RPS6KA2: variants seen among roughly 807,000 people sequenced by gnomAD.
RPS6KA2 encodes ribosomal protein S6 kinase alpha-2.
A neutral mutation model predicts 91.8 loss-of-function variants in RPS6KA2; 42 were observed. That is an observed-to-expected ratio of 0.46 (90% CI 0.36 to 0.59). The LOEUF (loss-of-function observed/expected upper bound fraction) is 0.59. Ranked by LOEUF, RPS6KA2 falls within the 20% of genes least tolerant of loss-of-function variation. The probability of loss-of-function intolerance (pLI) is 0.00; values close to 1 mark genes in which losing one functional copy is unlikely to be tolerated. For missense variants in RPS6KA2, 798 were observed against 978.5 expected (o/e 0.82, Z 2.46); for synonymous variants, 414 against 393.6 (o/e 1.05, Z -0.61).
chr6:166,526,947 A>G (rs1783068553), intron 3 of RPS6KA2, among the ~76,000 whole-genome samples: 1 of 152,244 alleles, frequency 6.6e-6, no homozygotes, highest in Non-Finnish European at 1.5e-5. Flanking sequence ...ATTATTCTGT[A>G]CACAGAGTTT....
At chr6:166,637,854 G>T (rs1203671448) in intron 2 of RPS6KA2, among the ~76,000 whole-genome samples, 1 of 152,260 alleles carries the variant, frequency 6.6e-6, no homozygotes, top group Non-Finnish European at 1.5e-5. Context: ...GGCCGCAGGG[G>T]ACAGAGCCCA....
At chr6:166,417,122 C>T (rs1463155984) in intron 19 of RPS6KA2, among the ~76,000 whole-genome samples, 1 of 152,140 alleles carries the variant, frequency 6.6e-6, no homozygotes, top group African/African-American at 2.4e-5. Context: ...GATGGGCAAA[C>T]GAAATAAGGC....
At chr6:166,475,954 G>C (rs1258336410) in intron 10 of RPS6KA2, 1 of 397,652 alleles carries the variant, frequency 2.5e-6, no homozygotes, top group Non-Finnish European at 5.2e-6. Context: ...ACTCTGGGAG[G>C]GGTCAACTCC....
At chr6:166,786,761 T>C (rs1295916003) in intron 2 of RPS6KA2, among the ~76,000 whole-genome samples, 1 of 152,234 alleles carries the variant, frequency 6.6e-6, no homozygotes, top group East Asian at 1.9e-4. Flanking sequence ...AAATTTTTAG[T>C]AATTGTGTAA....
At chr6:166,843,053 G>T (rs777956644) in intron 2 of RPS6KA2, among the ~76,000 whole-genome samples, 2 of 152,226 alleles carry the variant, frequency 1.3e-5, no homozygotes, top group Admixed American at 1.3e-4. Flanking sequence ...CACAGTGGGA[G>T]TGAGACCAGC....
chr6:166,448,886 C>T lies in RPS6KA2; in HGVS notation c.1207-37G>A. The T allele has an allele frequency of 6.2e-7, 1 of 1,610,924 alleles. No individual in the cohort carries two copies. Among genetic ancestry groups the T allele is most frequent in the South Asian group, 1.1e-5 (1 of 90,830 alleles). On this transcript the variant is annotated intron_variant, in intron 13 of 20. Transcript: ENST00000265678. This position sits in a 1 kb window ranked among gnomAD's most constrained non-coding sequence, Gnocchi z 4.7. ...CCAAGAGAAGAAGAGTTGTCGGAAC[C>T]CTCACACGAGGGGACGGTGCAGCTA...
chr6:166,609,330 C>T (rs73259029), intron 1 of RPS6KA2, among the ~76,000 whole-genome samples: 3,053 of 152,060 alleles, frequency 0.02, 52 homozygotes, highest in East Asian at 0.064. Flanking sequence ...TTTAGATCTA[C>T]TTTCGGGGTT....
chr6:166,461,530 TGGGGAGAGAG>T (rs1253207827), intron 11 of RPS6KA2, among the ~76,000 whole-genome samples: 1 of 39,684 alleles, frequency 2.5e-5, no homozygotes, highest in African/African-American at 1.0e-4. Flanking sequence ...TGGGGAGAGA[TGGGGAGAGAG>T]GGGGTGGGGG....
At position 166,626,429 on chromosome 6, in the gene RPS6KA2, C is replaced by G. The variant is rs899846506; in HGVS notation, c.99+492G>C. Among the ~76,000 whole-genome samples the G allele has an allele frequency of 3.9e-5, 6 of 152,378 alleles. No individual in the cohort carries two copies. The highest frequency in any genetic ancestry group is 5.9e-5 in the Non-Finnish European group (4 of 68,040). On this transcript the variant is annotated intron_variant, in intron 1 of 20. Transcript: ENST00000265678. This position sits in a 1 kb window ranked among gnomAD's most constrained non-coding sequence, Gnocchi z 4.1. ...TCTTCCCCGTTCTGTGAATTCTACA[C>G]TGACTTCAAGTGCACGAATGAGCTA...
Position 166,448,448 on chromosome 6 carries a change from A to G in RPS6KA2, c.1332+276T>C, listed in dbSNP as rs1779747357. Among the ~76,000 whole-genome samples, 1 of 152,248 alleles carries G rather than the reference A, an allele frequency of 6.6e-6. No individual in the cohort carries two copies. On this transcript the variant is annotated intron_variant, in intron 14 of 20. Transcript: ENST00000265678. The surrounding 1 kb of genome is among the most constrained non-coding windows in gnomAD (Gnocchi z 4.7). ...TTAATGGGTGACCTCATATCAAAGC[A>G]AACTGAACTCCATCATATCAGAGCT...
At chr6:166,579,782 G>T (rs1784948490) in intron 1 of RPS6KA2, among the ~76,000 whole-genome samples, 1 of 152,082 alleles carries the variant, frequency 6.6e-6, no homozygotes, top group African/African-American at 2.4e-5. Flanking sequence ...CTTTTTCTAA[G>T]ATCTAAAGAT....
In RPS6KA2 at chr6:166,627,192, G is replaced by A; in HGVS notation, c.-173C>T. On this transcript the variant is annotated 5_prime_UTR_variant, in exon 1 of 21. Transcript: ENST00000265678. ...CGGTCACAAAGGGCAGGCCGCGCCG[G>A]CCACCGCGGCCGGGGCCACAATCGC... 9.6e-7 allele frequency: 1 copy of A among 1,046,958 alleles called. No individual in the cohort carries two copies. The highest frequency in any genetic ancestry group is 1.1e-6 in the Non-Finnish European group (1 of 871,290). 64.9% of individuals were successfully genotyped at this position (1,046,958 alleles called of 1,614,324 possible).
In RPS6KA2 at chr6:166,733,809, G is replaced by T. The variant is rs549719147; in HGVS notation, c.123+124391C>A. Among the ~76,000 whole-genome samples the T allele has an allele frequency of 3.3e-5, 5 of 152,190 alleles. No homozygotes were observed. The highest frequency in any genetic ancestry group is 1.2e-4 in the African/African-American group (5 of 41,428). On this transcript the variant is annotated intron_variant, in intron 2 of 21. Coordinates refer to the RPS6KA2 transcript ENST00000503859. The surrounding 1 kb of genome is among the most constrained non-coding windows in gnomAD (Gnocchi z 4.1). The stretch of plus-strand genomic sequence containing the variant: ...AGAGGAAGAGAGAAGTAAAAGGAAG[G>T]TTTCTGCGTTTTTCTGTTTATAAAG...
intron 14 of RPS6KA2, among the ~76,000 whole-genome samples, chr6:166,441,649 G>A (rs1039485706): frequency 2.0e-5 from 3 of 152,192 alleles, no homozygotes; most frequent in Admixed American, 6.5e-5. Flanking sequence ...TCCTTCTCCG[G>A]CCCCGTGCGG....
intron 2 of RPS6KA2, among the ~76,000 whole-genome samples, chr6:166,857,884 G>C (rs1253425892): frequency 8.5e-5 from 13 of 152,162 alleles, no homozygotes; most frequent in Non-Finnish European, 4.4e-5. Flanking sequence ...GTTACTCCCA[G>C]GCCTCCTTGA....
intron 2 of RPS6KA2, among the ~76,000 whole-genome samples, chr6:166,739,586 T>A (rs1485304675): frequency 6.6e-6 from 1 of 152,132 alleles, no homozygotes; most frequent in Non-Finnish European, 1.5e-5. Context: ...AGAGAGCGGG[T>A]ACGGAAAAGA....
chr6:166,765,396 C>T (rs1480581687), intron 2 of RPS6KA2, among the ~76,000 whole-genome samples: 2 of 152,192 alleles, frequency 1.3e-5, no homozygotes, highest in African/African-American at 4.8e-5. Context: ...CCATGGCCCC[C>T]GCACCTGCTC....
In RPS6KA2 at chr6:166,777,391, C is replaced by T. The variant is rs146491161; in HGVS notation, c.123+80809G>A. ...TGCCTAAGTCACAAACCCAGAACTCCGCTGAAGGGACCACCTGAAACTGAG... is the reference window on the plus strand; with the variant it reads ...TGCCTAAGTCACAAACCCAGAACTCTGCTGAAGGGACCACCTGAAACTGAG... On this transcript the variant is annotated intron_variant, in intron 2 of 21. Coordinates refer to the RPS6KA2 transcript ENST00000503859. 3.9e-3 allele frequency among the ~76,000 whole-genome samples: 601 copies of T among 152,240 alleles called. 7 individuals are homozygous for T. The highest frequency in any genetic ancestry group is 0.014 in the African/African-American group (571 of 41,530).
At chr6:166,697,390 C>T (rs1789389261) in intron 2 of RPS6KA2, among the ~76,000 whole-genome samples, 1 of 152,190 alleles carries the variant, frequency 6.6e-6, no homozygotes, top group Admixed American at 6.5e-5. Context: ...GACTACATTT[C>T]CCAGCTCCAT....
Sources: allele counts gnomAD v4.1 joint callset (sites outside exome capture counted in the v4.1 genomes callset), GRCh38; gene constraint gnomAD v4.1.1; non-coding constraint Gnocchi (gnomAD v3.1); transcripts MANE v1.5; gene names NCBI Gene and HGNC (gene_info 2026-07-23, HGNC 2026-07-21).